The following ZNF284 variants were observed in gnomAD, a reference collection of about 807,000 sequenced individuals.
The protein encoded by ZNF284 is zinc finger protein 284.
In ZNF284, 12 loss-of-function variants were observed where a neutral mutation model predicts 12.9. That is an observed-to-expected ratio of 0.93 (90% CI 0.60 to 1.51). ZNF284 has a LOEUF of 1.51. Among genes scored for constraint, ZNF284 ranks in the 40% most tolerant of loss-of-function variants. The pLI, the probability that ZNF284 is intolerant of heterozygous loss-of-function variation, is 0.00. For synonymous variants in ZNF284, 225 were observed against 236.5 expected, an observed-to-expected ratio of 0.95 and a Z score of 0.45; for missense variants, 667 against 707.3, an observed-to-expected ratio of 0.94 and a Z score of 0.65.
At chr19:44,076,481 G>GGGAA in intron 2 of ZNF284, 77 bp downstream of exon 2, 1 of 1,504,996 alleles carries the variant, frequency 6.6e-7, no homozygotes, top group South Asian at 1.2e-5. Context: ...TCTCGGTCTT[G>GGGAA]GGAAGACTCA....
chr19:44,082,087 C>T lies in ZNF284; in HGVS notation c.217C>T (p.Gln73Ter). The T allele has an allele frequency of 1.2e-6, 2 of 1,613,346 alleles. No individual in the cohort carries two copies. The highest frequency in any genetic ancestry group is 1.7e-6 in the Non-Finnish European group (2 of 1,179,586). ...EKFWIMETATQREGNSGGKIQ... is the reference protein window; with the variant it reads ...EKFWIMETAT Reference sequence around the variant, plus strand: ...GTTTTGGATCATGGAGACAGCAACCCAAAGAGAAGGGAATTCAGGTAAGAA... The same window carrying T: ...GTTTTGGATCATGGAGACAGCAACCTAAAGAGAAGGGAATTCAGGTAAGAA... Residue 73 changes from glutamine (Q) to a stop codon, truncating the protein, a stop_gained, in exon 4 of 5, where the codon CAA (glutamine) becomes TAA (stop). Transcript: ENST00000421176. LOFTEE classifies it low-confidence loss of function (END_TRUNC).
intron 2 of ZNF284, 115 bp downstream of exon 2, chr19:44,076,519 G>A: frequency 9.2e-7 from 1 of 1,087,228 alleles, no homozygotes; most frequent in South Asian, 1.6e-5. Flanking sequence ...TTGTGCACCT[G>A]TTGTGTGCCA....
intron 4 of ZNF284, among the ~76,000 whole-genome samples, chr19:44,082,677 T>C (rs918127725): frequency 3.3e-5 from 5 of 152,180 alleles, no homozygotes; most frequent in Admixed American, 2.6e-4. Context: ...TCACTTTAAT[T>C]TACCAATCCC....
intron 2 of ZNF284, among the ~76,000 whole-genome samples, chr19:44,079,553 CA>C (rs1162180535): frequency 2.6e-5 from 4 of 152,044 alleles, no homozygotes; most frequent in African/African-American, 7.2e-5. Context: ...ACTAAAAATA[CA>C]AAACATTAGC....
chr19:44,086,994 A>C lies in ZNF284; in HGVS notation c.1516A>C (p.Thr506Pro). 6.2e-7 allele frequency: 1 copy of C among 1,614,232 alleles called. No homozygotes were observed. Among genetic ancestry groups the C allele is most frequent in the South Asian group, 1.1e-5 (1 of 91,088 alleles). ...SKLRFHQRIH[T>P]GEKPYKCEEC... ...ACTTCGTTTCCATCAAAGAATTCACACTGGAGAAAAGCCTTACAAATGTGA... is the reference window on the plus strand; with the variant it reads ...ACTTCGTTTCCATCAAAGAATTCACCCTGGAGAAAAGCCTTACAAATGTGA... Residue 506 changes from threonine (T) to proline (P), a missense_variant, in exon 5 of 5, where the codon ACT (threonine) becomes CCT (proline). Thr to Pro is a conservative substitution (Grantham distance 38, BLOSUM62 -1). Coordinates refer to ENST00000421176, the MANE Select transcript of ZNF284 (RefSeq NM_001037813.4).
chr19:44,086,523 G>A lies in ZNF284; in HGVS notation c.1045G>A (p.Gly349Arg), dbSNP rs1448870018. The A allele has an allele frequency of 6.2e-7, 1 of 1,614,156 alleles. No individual in the cohort carries two copies. The highest frequency in any genetic ancestry group is 1.7e-5 in the Admixed American group (1 of 60,018). ...GAAACTATACAAATGTGAAGAATGT[G>A]GAAGGAGCTTCACTTGTAGGCAAGA... ...KEKLYKCEECGRSFTCRQDLC... is the reference protein window; with the variant it reads ...KEKLYKCEECRRSFTCRQDLC... Residue 349 changes from glycine (G) to arginine (R), a missense_variant, in exon 5 of 5, where the codon GGA becomes AGA. By Grantham distance (125) the Gly-to-Arg change is moderately radical. Coordinates refer to ENST00000421176, the MANE Select transcript of ZNF284 (RefSeq NM_001037813.4).
At chr19:44,083,503 G>GAGAGAGAGAGAGAGAGAGAGA (rs1568522606) in intron 4 of ZNF284, among the ~76,000 whole-genome samples, 2 of 22,418 alleles carry the variant, frequency 8.9e-5, no homozygotes, top group African/African-American at 1.9e-4. Flanking sequence ...AGAGAGAGAG[G>GAGAGAGAGAGAGAGAGAGAGA]GAATGGAATA....
At position 44,082,016 on chromosome 19, in the gene ZNF284, A is replaced by G. The variant is rs202186808; in HGVS notation, c.146A>G (p.His49Arg). 893 of 1,612,922 alleles carry G rather than the reference A, an allele frequency of 5.5e-4. 3 individuals carry two copies. In the African/African-American group the frequency reaches 0.01, roughly 19 times the overall value. Residue 49 changes from histidine to arginine, a missense_variant, in exon 4 of 5, where the codon CAT (histidine) becomes CGT (arginine). Transcript: ENST00000421176. Reference protein sequence around the residue: ...ENFRNLLSVGHQLSHRDTFHF... With the variant: ...ENFRNLLSVGRQLSHRDTFHF... Reference sequence around the variant, plus strand: ...AAGCATGTGACTTTGTTCACAGGGCATCAACTTTCCCACCGAGATACTTTT... The same window carrying G: ...AAGCATGTGACTTTGTTCACAGGGCGTCAACTTTCCCACCGAGATACTTTT...
rs577564329 is a variant in ZNF284 at position 44,075,085 on chromosome 19, T to C, written c.-68-1237T>C. On this transcript the variant is annotated intron_variant, in intron 1 of 4. Transcript: ENST00000421176. ...AAAAAGCTAATAATAGTAGTTGTAG[T>C]GTCATTTATTAGATAGTGTTGGATA... Among the ~76,000 whole-genome samples, 6 of 152,266 alleles carry C rather than the reference T, an allele frequency of 3.9e-5. 1 individual carries two copies. The highest frequency in any genetic ancestry group is 1.4e-4 in the African/African-American group (6 of 41,554).
Position 44,081,121 on chromosome 19 carries a change from TC to T in ZNF284, c.123del (p.Phe41LeufsTer71). ...KLYRDVMLENFRNLLSVGHQL... is the reference protein window; with the variant it reads ...KLYRDVMLENXRNLLSVGHQL... ...TATCGAGATGTCATGCTGGAGAACT[TC>T]AGAAACCTGCTATCAGTGGGTGAGC... On this transcript the variant is annotated frameshift_variant, in exon 3 of 5. Transcript: ENST00000421176. LOFTEE classifies it high-confidence loss of function. 6.2e-7 allele frequency: 1 copy of T among 1,612,456 alleles called. No individual in the cohort carries two copies. Among genetic ancestry groups the T allele is most frequent in the Non-Finnish European group, 8.5e-7 (1 of 1,178,988 alleles).
chr19:44,076,807 A>T (rs1967034785), intron 2 of ZNF284, among the ~76,000 whole-genome samples: 1 of 137,674 alleles, frequency 7.3e-6, no homozygotes, highest in African/African-American at 2.6e-5. Context: ...GTTCCCATTG[A>T]ATTGATGCTC....
chr19:44,084,086 G>A (rs1009582086), intron 4 of ZNF284, among the ~76,000 whole-genome samples: 1 of 152,212 alleles, frequency 6.6e-6, no homozygotes, highest in Admixed American at 6.5e-5. Flanking sequence ...AACAGCCCCA[G>A]GTGGTATGCT....
chr19:44,085,232 T>C (rs189718827), intron 4 of ZNF284: 3 of 154,146 alleles, frequency 1.9e-5, no homozygotes, highest in Non-Finnish European at 2.9e-5. Flanking sequence ...GAACACTTCA[T>C]GAATTTGCAT....
At position 44,086,126 on chromosome 19, in the gene ZNF284, A is replaced by C. The variant is rs778046987; in HGVS notation, c.648A>C (p.Ser216=). The C allele has an allele frequency of 1.9e-6, 3 of 1,614,244 alleles. No individual in the cohort carries two copies. The South Asian group carries it at 3.3e-5, about 18-fold the overall frequency. Residue 216 remains serine (S), a synonymous_variant, in exon 5 of 5, where the codon TCA becomes TCC. Transcript: ENST00000421176. ...GTAGTAAGGCATTTAGTCAGAACTC[A>C]CAACTGCAAACTCATCAGAGAATCC... ...DVCSKAFSQN[S]QLQTHQRIHT...
At chr19:44,075,911 G>A (rs1347485063) in intron 1 of ZNF284, among the ~76,000 whole-genome samples, 1 of 152,162 alleles carries the variant, frequency 6.6e-6, no homozygotes, top group Non-Finnish European at 1.5e-5. Context: ...CCCATTTATA[G>A]TTAAACCTCA....
rs28802146 is a variant in ZNF284, at chr19:44,087,749, G to A, written c.*489G>A. 0.017 allele frequency: 2,425 copies of A among 144,714 alleles called. 79 individuals are homozygous for A. Among genetic ancestry groups the A allele is most frequent in the African/African-American group, 0.056 (2,173 of 38,766 alleles). The allele number at this position is 144,714 out of a possible 1,614,324, so 9.0% of individuals were successfully genotyped here. A position where few individuals can be genotyped will look rare whatever the true frequency, so the allele number is the denominator to read the frequency against. The stretch of plus-strand genomic sequence containing the variant: ...AGGGATTACAGGCACGCACCACCAC[G>A]CCCAGCTAATTTTTGTACTTTTTTT... On this transcript the variant is annotated 3_prime_UTR_variant, in exon 5 of 5. Coordinates refer to ENST00000421176, the MANE Select transcript of ZNF284 (RefSeq NM_001037813.4).
intron 1 of ZNF284, among the ~76,000 whole-genome samples, 152 bp downstream of exon 1, chr19:44,072,443 C>G (rs1327799941): frequency 6.6e-6 from 1 of 152,094 alleles, no homozygotes; most frequent in East Asian, 1.9e-4. Context: ...GCTCTCAGCT[C>G]GCTCAGTCCG....
chr19:44,084,718 T>C (rs866888582), intron 4 of ZNF284, among the ~76,000 whole-genome samples: 20 of 152,136 alleles, frequency 1.3e-4, no homozygotes, highest in African/African-American at 4.3e-4. Context: ...ACAGGCATTA[T>C]TGTAACCCTC....
In ZNF284 at chr19:44,087,184, G is replaced by T; in HGVS notation, c.1706G>T (p.Cys569Phe). The change falls in exon 5 of 5, where the codon TGT (cysteine) becomes TTT (phenylalanine). Residue 569 changes from cysteine to phenylalanine, a missense_variant. Physicochemically the swap from Cys to Phe is radical, Grantham distance 205. Coordinates refer to ENST00000421176, the MANE Select transcript of ZNF284 (RefSeq NM_001037813.4). ...CACAGTGGAGAAAAAACATCCAAAT[G>T]TGAGGACTGTGGGAAGCGCTACGAG... ...SDHSGEKTSK[C>F]EDCGKRYERR... 6.2e-7 allele frequency: 1 copy of T among 1,613,858 alleles called. No individual in the cohort carries two copies. The highest frequency in any genetic ancestry group is 1.1e-5 in the South Asian group (1 of 91,046).
Sources: gnomAD v4.1 joint callset for allele counts (sites outside exome capture counted in the v4.1 genomes callset) on GRCh38, gnomAD v4.1.1 for gene constraint, MANE v1.5 for transcripts, NCBI Gene and HGNC (gene_info 2026-07-23, HGNC 2026-07-21) for gene names.